The following MAN2A1 variants were observed in gnomAD, a reference collection of about 807,000 sequenced individuals.
MAN2A1 encodes the protein mannosidase alpha class 2A member 1.
In MAN2A1, 76 loss-of-function variants were observed where a neutral mutation model predicts 142.6. The ratio of observed to expected loss-of-function variants is 0.53; its 90% CI spans 0.44 to 0.65. The LOEUF (loss-of-function observed/expected upper bound fraction) is 0.65, where lower values mean the gene tolerates loss of function less well. MAN2A1 is among the 30% of genes least tolerant of loss of function. MAN2A1 has a pLI of 0.00. For synonymous variants in MAN2A1, 559 were observed against 473.2 expected (o/e 1.18, Z -2.35); for missense variants, 1,311 against 1,365.1 (o/e 0.96, Z 0.62).
At chr5:109,833,132 C>T (rs927344966) in intron 16 of MAN2A1, among the ~76,000 whole-genome samples, 1 of 151,424 alleles carries the variant, frequency 6.6e-6, no homozygotes, top group African/African-American at 2.4e-5. Context: ...CAGAGACGCT[C>T]CTCACTTCCC....
At chr5:109,697,001 A>AG (rs1438417426) in intron 1 of MAN2A1, among the ~76,000 whole-genome samples, 1 of 152,246 alleles carries the variant, frequency 6.6e-6, no homozygotes, top group Non-Finnish European at 1.5e-5. Context: ...ACGTAAAAAA[A>AG]TTCTTTTCCA....
intron 4 of MAN2A1, among the ~76,000 whole-genome samples, chr5:109,749,124 G>T (rs1212906868): frequency 6.6e-6 from 1 of 152,058 alleles, no homozygotes; most frequent in East Asian, 1.9e-4. Context: ...GTTTTCTCAT[G>T]TGAAATTAAT....
At chr5:109,822,682 A>AT (rs571391065) in intron 15 of MAN2A1, among the ~76,000 whole-genome samples, 39 of 148,086 alleles carry the variant, frequency 2.6e-4, no homozygotes, top group Middle Eastern at 3.4e-3. Context: ...TGAAAAAAAA[A>AT]TTTTTTTTTT....
intron 19 of MAN2A1, among the ~76,000 whole-genome samples, chr5:109,850,267 G>C (rs1304674462): frequency 6.6e-6 from 1 of 152,068 alleles, no homozygotes; most frequent in Non-Finnish European, 1.5e-5. Context: ...AGTACATTTT[G>C]CCACTGTATT....
intron 4 of MAN2A1, among the ~76,000 whole-genome samples, chr5:109,754,025 C>T (rs760960522): frequency 2.0e-5 from 3 of 151,894 alleles, no homozygotes; most frequent in African/African-American, 4.8e-5. Context: ...CCTCCCACCT[C>T]AGCCTTCCAA....
intron 4 of MAN2A1, among the ~76,000 whole-genome samples, chr5:109,737,563 A>G (rs1007869931): frequency 2.0e-5 from 3 of 152,046 alleles, no homozygotes; most frequent in Non-Finnish European, 4.4e-5. Flanking sequence ...GTATTTTACA[A>G]CTACTGTTTT....
intron 1 of MAN2A1, among the ~76,000 whole-genome samples, chr5:109,700,354 T>C (rs1750942849): frequency 6.6e-6 from 1 of 151,432 alleles, no homozygotes; most frequent in Non-Finnish European, 1.5e-5. Flanking sequence ...GAACTGATAG[T>C]GCTTTGTTTC....
chr5:109,736,134 G>A (rs1030016056), intron 4 of MAN2A1, among the ~76,000 whole-genome samples: 1 of 151,900 alleles, frequency 6.6e-6, no homozygotes, highest in African/African-American at 2.4e-5. Flanking sequence ...TGAAATGTTA[G>A]CTATTAATTT....
At chr5:109,785,379 C>CATAA (rs1168098048) in intron 10 of MAN2A1, among the ~76,000 whole-genome samples, 4 of 149,396 alleles carry the variant, frequency 2.7e-5, no homozygotes, top group Non-Finnish European at 4.4e-5. Context: ...GGCATATTGA[C>CATAA]ATAATAAGCT....
At chr5:109,787,928 A>G (rs1753635988) in intron 10 of MAN2A1, among the ~76,000 whole-genome samples, 1 of 151,860 alleles carries the variant, frequency 6.6e-6, no homozygotes, top group Non-Finnish European at 1.5e-5. Flanking sequence ...AAAATTATAG[A>G]TTTGCCATGT....
intron 20 of MAN2A1, among the ~76,000 whole-genome samples, chr5:109,859,535 A>G (rs1755704587): frequency 6.6e-6 from 1 of 152,130 alleles, no homozygotes; most frequent in Non-Finnish European, 1.5e-5. Flanking sequence ...CTGTCTTTCA[A>G]CTCTTTTCCT....
intron 16 of MAN2A1, among the ~76,000 whole-genome samples, chr5:109,839,817 C>G (rs1434657559): frequency 6.6e-6 from 1 of 152,070 alleles, no homozygotes; most frequent in East Asian, 1.9e-4. Flanking sequence ...AATTCTGATC[C>G]TAGAGGCTTC....
At chr5:109,710,240 C>CT (rs1361880201) in intron 1 of MAN2A1, among the ~76,000 whole-genome samples, 1 of 151,988 alleles carries the variant, frequency 6.6e-6, no homozygotes, top group South Asian at 2.1e-4. Flanking sequence ...CTGTAGGATC[C>CT]TTTTTTCATG....
intron 4 of MAN2A1, among the ~76,000 whole-genome samples, chr5:109,738,963 C>G (rs1017067227): frequency 1.3e-5 from 2 of 152,066 alleles, no homozygotes; most frequent in African/African-American, 4.8e-5. Context: ...CCCACTTCAG[C>G]TTTCCAGTAG....
chr5:109,803,219 A>G (rs1293877219), intron 12 of MAN2A1, among the ~76,000 whole-genome samples: 2 of 152,082 alleles, frequency 1.3e-5, no homozygotes, highest in South Asian at 4.1e-4. Context: ...AAGTAATTAA[A>G]CAGATAGATT....
chr5:109,774,921 C>T lies in MAN2A1; in HGVS notation c.1330C>T (p.Gln444Ter). The T allele has an allele frequency of 1.2e-6, 2 of 1,610,494 alleles. No homozygotes were observed. The highest frequency in any genetic ancestry group is 1.7e-6 in the Non-Finnish European group (2 of 1,177,880). ...EWDLQFKNYQ[Q>*]LFDYMNSQSK... ...GGATTTACAGTTTAAGAATTATCAGCAGCTTTTTGATTATATGAATTCTCA... is the reference window on the plus strand; with the variant it reads ...GGATTTACAGTTTAAGAATTATCAGTAGCTTTTTGATTATATGAATTCTCA... Residue 444 changes from glutamine (Q) to a stop codon, truncating the protein, a stop_gained, in exon 8 of 22, where the codon CAG (glutamine) becomes TAG (stop). Coordinates refer to ENST00000261483, the MANE Select transcript of MAN2A1 (RefSeq NM_002372.4). LOFTEE classifies it high-confidence loss of function.
At chr5:109,800,076 A>C (rs1347491056) in intron 12 of MAN2A1, among the ~76,000 whole-genome samples, 2 of 129,382 alleles carry the variant, frequency 1.5e-5, no homozygotes, top group Non-Finnish European at 3.2e-5. Flanking sequence ...CAACAGAGTG[A>C]GACTGTTGTC....
chr5:109,728,287 G>A (rs919653190), intron 3 of MAN2A1, among the ~76,000 whole-genome samples: 1 of 152,070 alleles, frequency 6.6e-6, no homozygotes, highest in Non-Finnish European at 1.5e-5. Flanking sequence ...AGCAAATATA[G>A]TATACATATT....
intron 16 of MAN2A1, among the ~76,000 whole-genome samples, chr5:109,825,238 C>A (rs1438654346): frequency 6.6e-6 from 1 of 152,124 alleles, no homozygotes; most frequent in African/African-American, 2.4e-5. Context: ...ATAGCATTAC[C>A]CCACAGAAGA....
Sources: allele counts gnomAD v4.1 joint callset (sites outside exome capture counted in the v4.1 genomes callset), GRCh38; gene constraint gnomAD v4.1.1; transcripts MANE v1.5; gene names NCBI Gene and HGNC (gene_info 2026-07-23, HGNC 2026-07-21).